The following ST7 variants were observed in gnomAD, a reference collection of about 807,000 sequenced individuals.
ST7 encodes suppressor of tumorigenicity 7 protein.
A neutral mutation model predicts 78.7 loss-of-function variants in ST7; 28 were observed. The observed-to-expected ratio is 0.36, with a 90% confidence interval of 0.26 to 0.49. The LOEUF is 0.49. Among genes scored for constraint, ST7 ranks in the 20% least tolerant of loss-of-function variants. The pLI is 0.99. For synonymous variants in ST7, 247 were observed against 249.6 expected, an observed-to-expected ratio of 0.99 and a Z score of 0.10; for missense variants, 418 against 696.0, an observed-to-expected ratio of 0.60 and a Z score of 4.49.
chr7:116,999,542 G>A (rs1428514496), intron 1 of ST7, among the ~76,000 whole-genome samples: 3 of 152,166 alleles, frequency 2.0e-5, no homozygotes, highest in African/African-American at 2.4e-5. Context: ...CAAAGGCCAC[G>A]CAGAGCATTG....
chr7:117,119,166 A>G (rs781209093), intron 2 of ST7, among the ~76,000 whole-genome samples: 89 of 152,312 alleles, frequency 5.8e-4, no homozygotes, highest in Non-Finnish European at 1.1e-3. Flanking sequence ...TTATCAGAAT[A>G]TAAAGTGCAA....
rs557219322 is a variant in ST7, at chr7:116,953,702, G to A, written c.151+11G>A. On this transcript the variant is annotated intron_variant, in intron 1 of 15. Coordinates refer to ENST00000323984, the MANE Select transcript of ST7 (RefSeq NM_001369598.1). ...ACAACTTGAGCACAGGTAAGGCCTG[G>A]GAGCCGGGCCCGCGGCGCCCACCCC... 4 of 1,446,534 alleles carry A rather than the reference G, an allele frequency of 2.8e-6. No homozygotes were observed. The highest frequency in any genetic ancestry group is 1.9e-4 in the Middle Eastern group (1 of 5,202). The allele number at this position is 1,446,534 out of a possible 1,614,324, so 89.6% of individuals were successfully genotyped here.
chr7:117,126,025 TA>T (rs1803808737), intron 3 of ST7, among the ~76,000 whole-genome samples: 1 of 151,982 alleles, frequency 6.6e-6, no homozygotes, highest in South Asian at 2.1e-4. Flanking sequence ...CTAACTAATG[TA>T]TGTAAGGAAT....
chr7:117,134,538 C>A (rs1804625190), intron 7 of ST7, among the ~76,000 whole-genome samples: 1 of 152,050 alleles, frequency 6.6e-6, no homozygotes, highest in Non-Finnish European at 1.5e-5. Context: ...GCAAAGCAAG[C>A]AAGCTAGCCC....
chr7:117,083,073 T>G (rs1365609228), intron 1 of ST7, among the ~76,000 whole-genome samples: 2 of 152,196 alleles, frequency 1.3e-5, no homozygotes, highest in African/African-American at 4.8e-5. Flanking sequence ...TTTTATTTTA[T>G]GTTGAGACGG....
chr7:117,006,274 A>G (rs1486064640), intron 1 of ST7, among the ~76,000 whole-genome samples: 1 of 152,214 alleles, frequency 6.6e-6, no homozygotes, highest in African/African-American at 2.4e-5. Context: ...TTAAAGTTTC[A>G]ACAGTTCACT....
At chr7:117,170,814 T>TAA in intron 9 of ST7, 48 bp from the exon 10 acceptor site, 1 of 842,438 alleles carries the variant, frequency 1.2e-6, no homozygotes, top group Non-Finnish European at 1.7e-6. Context: ...AATAAAATTA[T>TAA]AAGACATACA....
chr7:117,104,464 G>A (rs1399180396), intron 2 of ST7, among the ~76,000 whole-genome samples: 5 of 152,022 alleles, frequency 3.3e-5, no homozygotes, highest in Non-Finnish European at 7.4e-5. Context: ...AACAAAAACT[G>A]GGTGTAACAG....
At chr7:117,064,595 C>G (rs1353045496) in intron 1 of ST7, among the ~76,000 whole-genome samples, 1 of 152,200 alleles carries the variant, frequency 6.6e-6, no homozygotes, top group Non-Finnish European at 1.5e-5. Flanking sequence ...TGCTGTAATA[C>G]AGATAATTTT....
At chr7:117,091,746 T>C (rs796714300) in intron 1 of ST7, among the ~76,000 whole-genome samples, 8 of 152,290 alleles carry the variant, frequency 5.3e-5, no homozygotes, top group African/African-American at 1.9e-4. Context: ...CAAATTTCCG[T>C]AAATATAGCA....
intron 12 of ST7, among the ~76,000 whole-genome samples, chr7:117,197,201 G>A (rs1584573547): frequency 6.6e-6 from 1 of 152,094 alleles, no homozygotes; most frequent in South Asian, 2.1e-4. Flanking sequence ...CACTCAGCCA[G>A]CTTTTAAAAA....
intron 13 of ST7, among the ~76,000 whole-genome samples, chr7:117,216,857 G>A (rs1382450514): frequency 6.6e-6 from 1 of 150,622 alleles, no homozygotes; most frequent in Non-Finnish European, 1.5e-5. Context: ...GGGGGTGGAG[G>A]GCAATCCGGG....
chr7:117,120,028 G>A (rs766471756), intron 3 of ST7, among the ~76,000 whole-genome samples: 6 of 151,564 alleles, frequency 4.0e-5, no homozygotes, highest in Admixed American at 2.0e-4. Context: ...TCTTATGCTC[G>A]GGTGATCCTC....
intron 1 of ST7, among the ~76,000 whole-genome samples, chr7:117,018,631 C>A (rs996684303): frequency 6.6e-6 from 1 of 152,140 alleles, no homozygotes; most frequent in Non-Finnish European, 1.5e-5. Context: ...GATCCAGACT[C>A]CTGAGTTTGA....
At chr7:117,032,710 G>T (rs4489259) in intron 1 of ST7, among the ~76,000 whole-genome samples, 1 of 152,204 alleles carries the variant, frequency 6.6e-6, no homozygotes, top group South Asian at 2.1e-4. Flanking sequence ...TTATGTATGT[G>T]CATAATAGAT....
chr7:117,066,452 A>T (rs1016097544), intron 1 of ST7, among the ~76,000 whole-genome samples: 9 of 152,128 alleles, frequency 5.9e-5, no homozygotes, highest in African/African-American at 2.2e-4. Flanking sequence ...ACATACAGCA[A>T]TATCTGCCCT....
chr7:117,225,528 G>A (rs535090891), intron 15 of ST7, among the ~76,000 whole-genome samples: 3 of 152,176 alleles, frequency 2.0e-5, no homozygotes, highest in Admixed American at 1.3e-4. Context: ...CCGCCTCCTC[G>A]ACCTGCCCCC....
At chr7:117,145,640 T>C (rs1445402402) in intron 9 of ST7, 9 of 152,182 alleles carry the variant, frequency 5.9e-5, no homozygotes, top group Admixed American at 5.9e-4. Context: ...ATTGTATTTA[T>C]GACCTCATCT....
chr7:117,185,400 T>C (rs960949871), intron 10 of ST7, among the ~76,000 whole-genome samples: 3 of 152,180 alleles, frequency 2.0e-5, no homozygotes, highest in African/African-American at 7.2e-5. Flanking sequence ...AAAAAACAGT[T>C]ACTGCATGTA....
Sources: allele counts gnomAD v4.1 joint callset (sites outside exome capture counted in the v4.1 genomes callset), GRCh38; gene constraint gnomAD v4.1.1; transcripts MANE v1.5; gene names NCBI Gene and HGNC (gene_info 2026-07-23, HGNC 2026-07-21).